Variants in CYTH1 observed in about 807,000 individuals in gnomAD.
CYTH1 encodes cytohesin-1.
Under a neutral mutation model 61.8 loss-of-function variants are expected in CYTH1, and 18 were observed. The observed-to-expected ratio is 0.29, with a 90% CI of 0.20 to 0.43. The LOEUF is 0.43. Among genes scored for constraint, CYTH1 ranks in the 20% least tolerant of loss-of-function variants. CYTH1 has a pLI of 1.00. For synonymous variants in CYTH1, 174 were observed against 184.3 expected (o/e 0.94, Z 0.45); for missense variants, 336 against 510.5 (o/e 0.66, Z 3.29).
intron 1 of CYTH1, among the ~76,000 whole-genome samples, chr17:78,719,963 C>T (rs546174834): frequency 1.4e-4 from 22 of 152,282 alleles, no homozygotes; most frequent in South Asian, 6.2e-4. Flanking sequence ...TGCTACAACA[C>T]GGATGAACCT....
chr17:78,724,062 C>T (rs1418124066), intron 1 of CYTH1: 1 of 152,224 alleles, frequency 6.6e-6, no homozygotes, highest in Admixed American at 6.5e-5. Flanking sequence ...ATTTCTTCAC[C>T]AGAGGCTGTG....
Position 78,708,245 on chromosome 17 carries a change from A to G in CYTH1, c.122T>C (p.Ile41Thr). The G allele has an allele frequency of 6.2e-7, 1 of 1,613,394 alleles. No homozygotes were observed. Among genetic ancestry groups the G allele is most frequent in the Non-Finnish European group, 8.5e-7 (1 of 1,179,838 alleles). ...LADIQRLKDE[I>T]AEVANEIENL... ...TTCAATTTCATTAGCTACTTCTGCTATCTCATCCTTCAGCCTCTATAAAAC... is the reference window on the plus strand; with the variant it reads ...TTCAATTTCATTAGCTACTTCTGCTGTCTCATCCTTCAGCCTCTATAAAAC... The change falls in exon 3 of 14, where the codon ATA (isoleucine) becomes ACA (threonine). Residue 41 changes from isoleucine (I) to threonine (T), a missense_variant. Physicochemically the swap from Ile to Thr is moderately conservative, Grantham distance 89. Transcript: ENST00000446868.
chr17:78,753,281 G>A (rs1055003784), intron 1 of CYTH1, among the ~76,000 whole-genome samples: 14 of 151,976 alleles, frequency 9.2e-5, no homozygotes, highest in African/African-American at 3.1e-4. Flanking sequence ...GCAATATAGT[G>A]AGACCCTATC....
rs1555614199 is a variant in CYTH1, at chr17:78,753,529, A to ATAAATAAGTAAG, written c.22+28672_22+28673insCTTACTTATTTA. Reference sequence around the variant, plus strand: ...AATAAATAAATAAATAAATAAATAAATAAAGATAACAACAAAGAATCGGAG... The same window carrying ATAAATAAGTAAG: ...AATAAATAAATAAATAAATAAATAAATAAATAAGTAAGTAAAGATAACAACAAAGAATCGGAG... On this transcript the variant is annotated intron_variant, in intron 1 of 13. Transcript: ENST00000446868. Among the ~76,000 whole-genome samples, 345 of 151,958 alleles carry ATAAATAAGTAAG rather than the reference A, an allele frequency of 2.3e-3. 2 individuals are homozygous for ATAAATAAGTAAG. Among genetic ancestry groups the ATAAATAAGTAAG allele is most frequent in the African/African-American group, 7.7e-3 (321 of 41,422 alleles).
At chr17:78,696,217 G>A (rs2092936959) in intron 9 of CYTH1, among the ~76,000 whole-genome samples, 1 of 152,168 alleles carries the variant, frequency 6.6e-6, no homozygotes, top group African/African-American at 2.4e-5. Flanking sequence ...CGTGAACGAG[G>A]GGCTCTTACA....
intron 12 of CYTH1, 25 bp from the exon 13 acceptor site, chr17:78,680,369 A>G (rs1326380498): frequency 6.3e-7 from 1 of 1,597,228 alleles, no homozygotes; most frequent in Non-Finnish European, 8.5e-7. Flanking sequence ...AGAGAGGGAG[A>G]GAGTGGAGCA....
chr17:78,733,987 C>T (rs569205103), intron 1 of CYTH1, among the ~76,000 whole-genome samples: 24 of 152,300 alleles, frequency 1.6e-4, no homozygotes, highest in Non-Finnish European at 2.6e-4. Context: ...CAGTGGTTCA[C>T]GCCTGTAATC....
At chr17:78,681,204 C>A (rs2092758674) in intron 11 of CYTH1, 162 bp from the exon 12 acceptor site, 1 of 657,478 alleles carries the variant, frequency 1.5e-6, no homozygotes, top group African/African-American at 1.8e-5. Flanking sequence ...AAGAATAACA[C>A]CAAAAATGTC....
chr17:78,777,769 G>A (rs1377041820), intron 1 of CYTH1, among the ~76,000 whole-genome samples: 1 of 149,884 alleles, frequency 6.7e-6, no homozygotes, highest in Non-Finnish European at 1.5e-5. Flanking sequence ...GGCAGATCAC[G>A]AGGTCAGGAG....
rs755629315 is a variant in CYTH1 at position 78,760,517 on chromosome 17, GTATATA to G, written c.22+21679_22+21684del. 1.3e-4 allele frequency among the ~76,000 whole-genome samples: 4 copies of G among 29,658 alleles called. 1 individual carries two copies. Among genetic ancestry groups the G allele is most frequent in the African/African-American group, 5.1e-4 (4 of 7,790 alleles). 19.5% of individuals were successfully genotyped at this position (29,658 alleles called of 152,430 possible). A position where few individuals can be genotyped will look rare whatever the true frequency, so the allele number is the denominator to read the frequency against. ...TATATACATATATATGTATATATATGTATATATATATATACATACATATATATGTAT... is the reference window on the plus strand; with the variant it reads ...TATATACATATATATGTATATATATGTATATATACATACATATATATGTAT... On this transcript the variant is annotated intron_variant, in intron 1 of 13. Coordinates refer to ENST00000446868, the MANE Select transcript of CYTH1 (RefSeq NM_004762.6).
rs1350439414 is a variant in CYTH1, at chr17:78,709,505, A to G, written c.105+145T>C. The G allele has an allele frequency of 5.5e-6, 4 of 722,942 alleles. No individual in the cohort carries two copies. The African/African-American group carries it at 7.1e-5, about 13-fold the overall frequency. The allele number at this position is 722,942 out of a possible 1,614,324, so 44.8% of individuals were successfully genotyped here. ...AGCTGTAGAGGAAAGGTGACTGATT[A>G]TCAACACCTACGCTTTGTGCAGAGC... is the stretch of plus-strand genomic sequence containing the variant. On this transcript the variant is annotated intron_variant, in intron 2 of 13. Transcript: ENST00000446868.
intron 1 of CYTH1, among the ~76,000 whole-genome samples, chr17:78,780,128 G>T (rs985773582): frequency 1.3e-5 from 2 of 152,248 alleles, no homozygotes; most frequent in Admixed American, 1.3e-4. Flanking sequence ...AGAGCAGCAG[G>T]CAAAACTGCT....
chr17:78,765,327 C>T (rs191902795), intron 1 of CYTH1, among the ~76,000 whole-genome samples: 16 of 152,210 alleles, frequency 1.1e-4, no homozygotes, highest in African/African-American at 3.9e-4. Context: ...GTTGGAATCC[C>T]TATTTCTTTT....
chr17:78,691,443 T>C (rs1351436567), intron 11 of CYTH1: 1 of 152,244 alleles, frequency 6.6e-6, no homozygotes, highest in African/African-American at 2.4e-5. Context: ...GACTGGTGAA[T>C]ATGGTCAGGA....
intron 3 of CYTH1, among the ~76,000 whole-genome samples, chr17:78,706,454 C>T (rs971859979): frequency 1.6e-4 from 24 of 152,244 alleles, no homozygotes; most frequent in African/African-American, 5.1e-4. Flanking sequence ...TTCATCCGTG[C>T]TGCTGCACGC....
intron 1 of CYTH1, among the ~76,000 whole-genome samples, chr17:78,745,923 G>A (rs2093357955): frequency 6.6e-6 from 1 of 152,016 alleles, no homozygotes; most frequent in South Asian, 2.1e-4. Context: ...ATTACCTTTT[G>A]AACATATATA....
rs530130889 is a variant in CYTH1 at position 78,698,185 on chromosome 17, A to ACACG, written c.811+80_811+83dup. The ACACG allele has an allele frequency of 2.4e-3, 2,652 of 1,116,128 alleles. 41 individuals are homozygous for ACACG. Among genetic ancestry groups the ACACG allele is most frequent in the Non-Finnish European group, 2.3e-4 (168 of 740,398 alleles). 69.1% of individuals were successfully genotyped at this position (1,116,128 alleles called of 1,614,324 possible). On this transcript the variant is annotated intron_variant, in intron 9 of 13. Transcript: ENST00000446868. The stretch of plus-strand genomic sequence containing the variant: ...CACGCACAAACACGCACACGCGCAC[A>ACACG]CACGCACGCACGCACACACGCACAC...
chr17:78,776,822 T>G (rs921997127), intron 1 of CYTH1, among the ~76,000 whole-genome samples: 1 of 151,884 alleles, frequency 6.6e-6, no homozygotes, highest in African/African-American at 2.4e-5. Context: ...AGTTTTTTTT[T>G]TTTTAAAAAA....
intron 10 of CYTH1, among the ~76,000 whole-genome samples, chr17:78,692,981 T>TC (rs2092903877): frequency 6.6e-6 from 1 of 152,114 alleles, no homozygotes; most frequent in African/African-American, 2.4e-5. Flanking sequence ...AGCCTTCAAA[T>TC]CCACACTTTC....
Sources: gnomAD v4.1 joint callset for allele counts (sites outside exome capture counted in the v4.1 genomes callset) on GRCh38, gnomAD v4.1.1 for gene constraint, MANE v1.5 for transcripts, NCBI Gene and HGNC (gene_info 2026-07-23, HGNC 2026-07-21) for gene names.